Variants in PDE3A observed in about 807,000 individuals in gnomAD.
PDE3A encodes cGMP-inhibited 3',5'-cyclic phosphodiesterase 3A.
A neutral mutation model predicts 98.3 loss-of-function variants in PDE3A; 43 were observed. The ratio of observed to expected loss-of-function variants is 0.44; its 90% CI spans 0.34 to 0.56. PDE3A has a LOEUF of 0.56. PDE3A is among the 20% of genes least tolerant of loss of function. The pLI, the probability that PDE3A is intolerant of heterozygous loss-of-function variation, is 0.01. For synonymous variants in PDE3A, 663 were observed against 567.9 expected, an observed-to-expected ratio of 1.17 and a Z score of -2.38; for missense variants, 1,427 against 1,440.7, an observed-to-expected ratio of 0.99 and a Z score of 0.15.
intron 1 of PDE3A, among the ~76,000 whole-genome samples, chr12:20,487,958 T>C (rs1371723215): frequency 1.3e-5 from 2 of 152,248 alleles, no homozygotes; most frequent in Admixed American, 1.3e-4. Context: ...GTTGGAATTA[T>C]GTTTTTATGT....
chr12:20,493,687 A>G (rs1417047435), intron 1 of PDE3A, among the ~76,000 whole-genome samples: 1 of 152,050 alleles, frequency 6.6e-6, no homozygotes, highest in South Asian at 2.1e-4. Flanking sequence ...CTGCAGTACA[A>G]TGGCGCAACC....
At chr12:20,572,109 T>C (rs1327779645) in intron 2 of PDE3A, 2 of 1,274,162 alleles carry the variant, frequency 1.6e-6, no homozygotes, top group Non-Finnish European at 2.0e-6. Flanking sequence ...TTAAAGAACA[T>C]CTCATTACTG....
At chr12:20,646,206 A>G (rs1049689554) in intron 10 of PDE3A, among the ~76,000 whole-genome samples, 8 of 152,184 alleles carry the variant, frequency 5.3e-5, no homozygotes, top group African/African-American at 1.9e-4. Context: ...TTCACACAGT[A>G]TGTTTCCTAT....
rs922263320 is a variant in PDE3A, at chr12:20,398,393, C to T, written c.960+28149C>T. 5.3e-5 allele frequency among the ~76,000 whole-genome samples: 8 copies of T among 150,420 alleles called. No homozygotes were observed. The East Asian group carries it at 1.2e-3, about 22-fold the overall frequency. ...TATCAGATTTCTCACTCTGTGTCAT[C>T]AATTAATTCATTCAAATCCATTTCC... On this transcript the variant is annotated intron_variant, in intron 1 of 15. Coordinates refer to ENST00000359062, the MANE Select transcript of PDE3A (RefSeq NM_000921.5).
At chr12:20,599,436 TCATTCTCGTTTGTACTTCTAACCTCAA>T (rs1198527140) in intron 2 of PDE3A, among the ~76,000 whole-genome samples, 1 of 152,198 alleles carries the variant, frequency 6.6e-6, no homozygotes, top group East Asian at 1.9e-4. Flanking sequence ...TCAAAACTTT[TCATTCTCGTTTGTACTTCTAACCTCAA>T]CATTGCCCAC....
At chr12:20,425,198 G>A (rs577563001) in intron 1 of PDE3A, among the ~76,000 whole-genome samples, 24 of 152,278 alleles carry the variant, frequency 1.6e-4, no homozygotes, top group African/African-American at 5.1e-4. Context: ...GTGGTAATGC[G>A]TGTTTTTTGG....
intron 1 of PDE3A, chr12:20,551,459 A>G: frequency 1.6e-6 from 1 of 623,816 alleles, no homozygotes; most frequent in Non-Finnish European, 2.8e-6. Context: ...CTCTTTCTCG[A>G]TTCCGTGGGT....
chr12:20,438,456 T>C (rs1408274176), intron 1 of PDE3A, among the ~76,000 whole-genome samples: 1 of 152,214 alleles, frequency 6.6e-6, no homozygotes, highest in Non-Finnish European at 1.5e-5. Context: ...GACATTGCAC[T>C]TAGTGATTTA....
chr12:20,646,594 AGTGATTCAG>A lies in PDE3A; in HGVS notation c.2359_2365+2del. 6.3e-7 allele frequency: 1 copy of A among 1,575,818 alleles called. No individual in the cohort carries two copies. Among genetic ancestry groups the A allele is most frequent in the Non-Finnish European group, 8.7e-7 (1 of 1,145,212 alleles). On this transcript the variant is annotated inframe_deletion and splice_region_variant, in exon 11 of 16. Coordinates refer to ENST00000359062, the MANE Select transcript of PDE3A (RefSeq NM_000921.5). ...TGTGATTAATGATCATGGTTCAACC[AGTGATTCAG>A]GTATGTACGAAGTGAATCTGCACTG...
At chr12:20,487,134 T>G (rs947672441) in intron 1 of PDE3A, among the ~76,000 whole-genome samples, 11 of 128,062 alleles carry the variant, frequency 8.6e-5, no homozygotes, top group African/African-American at 3.0e-4. Context: ...CATAATATAA[T>G]ATTAAATTTG....
Position 20,369,076 on chromosome 12 carries a change from C to G in PDE3A, c.-209C>G, listed in dbSNP as rs1943401888. ...GTGCTAGCCTTTAACTTGAAGAAGTCTCATTGGAGCATCTAGCATTCTCCA... is the reference window on the plus strand; with the variant it reads ...GTGCTAGCCTTTAACTTGAAGAAGTGTCATTGGAGCATCTAGCATTCTCCA... On this transcript the variant is annotated 5_prime_UTR_variant, in exon 1 of 16. Coordinates refer to ENST00000359062, the MANE Select transcript of PDE3A (RefSeq NM_000921.5). Among the ~76,000 whole-genome samples the G allele has an allele frequency of 6.6e-6, 1 of 152,164 alleles. No homozygotes were observed. Among genetic ancestry groups the G allele is most frequent in the African/African-American group, 2.4e-5 (1 of 41,454 alleles).
Position 20,646,514 on chromosome 12 carries a change from A to C in PDE3A, c.2276A>C (p.Asp759Ala). ...IPYHNRIHATDVLHAVWYLTT... is the reference protein window; with the variant it reads ...IPYHNRIHATAVLHAVWYLTT... The stretch of plus-strand genomic sequence containing the variant: ...GATCATAACAGAATCCATGCCACTG[A>C]TGTTTTACATGCTGTTTGGTATCTT... The change falls in exon 11 of 16, where the codon GAT (aspartate) becomes GCT (alanine). Residue 759 changes from aspartate (D) to alanine (A), a missense_variant. Transcript: ENST00000359062. 1 of 1,599,708 alleles carries C rather than the reference A, an allele frequency of 6.3e-7. No individual in the cohort carries two copies. Among genetic ancestry groups the C allele is most frequent in the Non-Finnish European group, 8.6e-7 (1 of 1,166,918 alleles).
chr12:20,381,958 CT>C (rs1291648599), intron 1 of PDE3A, among the ~76,000 whole-genome samples: 1 of 151,766 alleles, frequency 6.6e-6, no homozygotes, highest in African/African-American at 2.4e-5. Flanking sequence ...GTAAATGCCC[CT>C]GGTTAATAGA....
At chr12:20,565,082 C>A (rs1942622045) in intron 2 of PDE3A, among the ~76,000 whole-genome samples, 2 of 151,978 alleles carry the variant, frequency 1.3e-5, no homozygotes, top group African/African-American at 4.8e-5. Flanking sequence ...AGTTTCTGAC[C>A]ACTGTTGCAG....
chr12:20,649,911 G>A (rs1349313438), intron 13 of PDE3A, among the ~76,000 whole-genome samples: 2 of 151,532 alleles, frequency 1.3e-5, no homozygotes, highest in Non-Finnish European at 2.9e-5. Flanking sequence ...TGAGAGAGAG[G>A]GCAAGACTCT....
chr12:20,572,727 G>A (rs59361195), intron 2 of PDE3A, among the ~76,000 whole-genome samples: 4,943 of 152,088 alleles, frequency 0.033, 242 homozygotes, highest in African/African-American at 0.11. Flanking sequence ...AGAATAACTC[G>A]TTGAGCAGAC....
At chr12:20,600,738 T>C (rs1003955453) in intron 2 of PDE3A, among the ~76,000 whole-genome samples, 1 of 152,172 alleles carries the variant, frequency 6.6e-6, no homozygotes, top group Non-Finnish European at 1.5e-5. Flanking sequence ...CAGAATCAGG[T>C]TGTTAAATAA....
chr12:20,686,112 A>G lies in PDE3A; in HGVS notation c.*5841A>G, dbSNP rs1945954049. Among the ~76,000 whole-genome samples the G allele has an allele frequency of 6.6e-6, 1 of 152,176 alleles. No homozygotes were observed. Among genetic ancestry groups the G allele is most frequent in the African/African-American group, 2.4e-5 (1 of 41,456 alleles). On this transcript the variant is annotated 3_prime_UTR_variant, in exon 16 of 16. Transcript: ENST00000359062. ...TTTTGATATAATAAGAACTAGTATC[A>G]TATAACAGAAAACTAGAAAGAAGGT...
Position 20,552,078 on chromosome 12 carries a change from T to C in PDE3A, c.961-4582T>C. Reference sequence around the variant, plus strand: ...TTTTCACATACACGGGTAGTGGTGGTCGAGAGCTTTCCGGCAACAAGAGGA... The same window carrying C: ...TTTTCACATACACGGGTAGTGGTGGCCGAGAGCTTTCCGGCAACAAGAGGA... On this transcript the variant is annotated intron_variant, in intron 1 of 15. Coordinates refer to ENST00000359062, the MANE Select transcript of PDE3A (RefSeq NM_000921.5). The surrounding 1 kb of genome is among the most constrained non-coding windows in gnomAD (Gnocchi z 5.1). 6.2e-7 allele frequency: 1 copy of C among 1,612,470 alleles called. No individual in the cohort carries two copies. Among genetic ancestry groups the C allele is most frequent in the Non-Finnish European group, 8.5e-7 (1 of 1,179,862 alleles).
Sources: gnomAD v4.1 joint callset for allele counts (sites outside exome capture counted in the v4.1 genomes callset) on GRCh38, gnomAD v4.1.1 for gene constraint, Gnocchi (gnomAD v3.1) non-coding constraint, MANE v1.5 for transcripts, NCBI Gene and HGNC (gene_info 2026-07-23, HGNC 2026-07-21) for gene names.